The following PTPRK variants were observed in gnomAD, a reference collection of about 807,000 sequenced individuals.
PTPRK encodes the protein protein tyrosine phosphatase receptor type K.
In PTPRK, 75 loss-of-function variants were observed where a neutral mutation model predicts 178.0. The ratio of observed to expected loss-of-function variants is 0.42; its 90% CI spans 0.35 to 0.51. PTPRK has a LOEUF of 0.51. Ranked by LOEUF, PTPRK falls within the 20% of genes least tolerant of loss-of-function variation. PTPRK has a pLI of 0.02. For synonymous variants in PTPRK, 637 were observed against 620.6 expected, an observed-to-expected ratio of 1.03 and a Z score of -0.39; for missense variants, 1,441 against 1,797.8, an observed-to-expected ratio of 0.80 and a Z score of 3.59.
At chr6:128,412,500 T>G (rs866520834) in intron 1 of PTPRK, among the ~76,000 whole-genome samples, 1 of 152,176 alleles carries the variant, frequency 6.6e-6, no homozygotes, top group Non-Finnish European at 1.5e-5. Flanking sequence ...TTTTCAAATA[T>G]GTACTGCAAG....
At chr6:128,174,712 T>C (rs1800810578) in intron 7 of PTPRK, among the ~76,000 whole-genome samples, 1 of 151,858 alleles carries the variant, frequency 6.6e-6, no homozygotes, top group Admixed American at 6.6e-5. Context: ...AGTGAAACAT[T>C]ACATTAAATT....
intron 5 of PTPRK, chr6:128,238,114 C>T: frequency 2.3e-6 from 1 of 441,346 alleles, no homozygotes; most frequent in Non-Finnish European, 4.5e-6. Context: ...ATGCACACTA[C>T]TGAAGAATGA....
At chr6:128,318,749 G>A (rs564694114) in intron 3 of PTPRK, among the ~76,000 whole-genome samples, 2 of 152,260 alleles carry the variant, frequency 1.3e-5, no homozygotes, top group Admixed American at 1.3e-4. Context: ...ATACAAGACA[G>A]GTCAGATTTC....
intron 1 of PTPRK, among the ~76,000 whole-genome samples, chr6:128,419,849 C>T (rs1001535045): frequency 6.6e-6 from 1 of 152,166 alleles, no homozygotes; most frequent in Non-Finnish European, 1.5e-5. Context: ...AGTATCTGTT[C>T]CTCTAAAGTC....
intron 2 of PTPRK, among the ~76,000 whole-genome samples, chr6:128,325,624 C>T (rs1045636018): frequency 2.0e-5 from 3 of 152,106 alleles, no homozygotes; most frequent in African/African-American, 7.2e-5. Context: ...AATGAGATAC[C>T]ATCTCACGCC....
At chr6:128,002,806 T>C (rs1777991330) in intron 15 of PTPRK, among the ~76,000 whole-genome samples, 1 of 151,898 alleles carries the variant, frequency 6.6e-6, no homozygotes, top group South Asian at 2.1e-4. Flanking sequence ...TGGTTATAAA[T>C]TGGGAGGATT....
chr6:128,398,519 GGAAGAATAAGAGT>G (rs1840634716), intron 1 of PTPRK, among the ~76,000 whole-genome samples: 1 of 152,140 alleles, frequency 6.6e-6, no homozygotes, highest in Admixed American at 6.5e-5. Flanking sequence ...GAGAAGTAGA[GGAAGAATAAGAGT>G]GAAAGTTGTC....
At chr6:128,016,965 G>C (rs568884951) in intron 13 of PTPRK, among the ~76,000 whole-genome samples, 183 of 152,126 alleles carry the variant, frequency 1.2e-3, no homozygotes, top group African/African-American at 4.2e-3. Context: ...GACAGTAAAT[G>C]ATTTCAACTA....
chr6:128,084,815 T>TA (rs1434695024), intron 8 of PTPRK: 1 of 152,336 alleles, frequency 6.6e-6, no homozygotes, highest in Non-Finnish European at 1.5e-5. Context: ...CCTACTTGGC[T>TA]AAAAAATGTG....
chr6:128,382,571 C>T (rs1838098806), intron 2 of PTPRK, among the ~76,000 whole-genome samples: 1 of 151,818 alleles, frequency 6.6e-6, no homozygotes, highest in South Asian at 2.1e-4. Flanking sequence ...CCATGCCTGG[C>T]TAATTTTTTG....
rs1242513973 is a variant in PTPRK at position 127,991,402 on chromosome 6, A to AT, written c.2882-12dup. 1 of 1,546,018 alleles carries AT rather than the reference A, an allele frequency of 6.5e-7. No individual in the cohort carries two copies. The highest frequency in any genetic ancestry group is 1.9e-5 in the Admixed American group (1 of 52,104). On this transcript the variant is annotated splice_polypyrimidine_tract_variant and intron_variant, in intron 19 of 29. Coordinates refer to ENST00000368226, the MANE Select transcript of PTPRK (RefSeq NM_002844.4). ...TTTCATGAACGGGACCTACAAAGAA[A>AT]TTAATTTGAATATTATGTTATCAAA...
At chr6:128,080,904 A>T (rs1176171585) in intron 10 of PTPRK, among the ~76,000 whole-genome samples, 1 of 152,052 alleles carries the variant, frequency 6.6e-6, no homozygotes, top group Non-Finnish European at 1.5e-5. Flanking sequence ...TTAGGTTAAT[A>T]CAAGTAAAAG....
At chr6:128,098,261 T>C (rs1420635434) in intron 7 of PTPRK, among the ~76,000 whole-genome samples, 1 of 152,292 alleles carries the variant, frequency 6.6e-6, no homozygotes, top group East Asian at 1.9e-4. Context: ...GTTGTCACAC[T>C]GTTTGCCATG....
intron 7 of PTPRK, among the ~76,000 whole-genome samples, chr6:128,133,262 G>A (rs1794528671): frequency 6.6e-6 from 1 of 151,914 alleles, no homozygotes; most frequent in Non-Finnish European, 1.5e-5. Flanking sequence ...TCCTGACAAC[G>A]GATATCTACG....
At chr6:128,104,341 C>T (rs371491101) in intron 7 of PTPRK, among the ~76,000 whole-genome samples, 1 of 152,174 alleles carries the variant, frequency 6.6e-6, no homozygotes, top group African/African-American at 2.4e-5. Context: ...ATTCTCCTGC[C>T]TCAGCCTCCC....
intron 7 of PTPRK, among the ~76,000 whole-genome samples, chr6:128,110,388 C>G (rs1264321348): frequency 6.6e-6 from 1 of 152,126 alleles, no homozygotes; most frequent in Non-Finnish European, 1.5e-5. Flanking sequence ...AGTTATCAAT[C>G]CCTGTCTTTT....
At chr6:128,473,521 A>G (rs959110195) in intron 1 of PTPRK, among the ~76,000 whole-genome samples, 2 of 147,660 alleles carry the variant, frequency 1.4e-5, no homozygotes, top group Non-Finnish European at 3.0e-5. Flanking sequence ...CCAATTTAGT[A>G]TCCAATGATT....
chr6:128,280,564 G>A (rs1163562633), intron 3 of PTPRK, among the ~76,000 whole-genome samples: 1 of 151,912 alleles, frequency 6.6e-6, no homozygotes, highest in East Asian at 1.9e-4. Context: ...AGGCACCTTT[G>A]GGAAATTAAG....
intron 13 of PTPRK, among the ~76,000 whole-genome samples, chr6:128,021,899 T>C (rs1022533235): frequency 3.3e-5 from 5 of 152,224 alleles, no homozygotes; most frequent in African/African-American, 9.6e-5. Flanking sequence ...AATATTCTTT[T>C]ATATATATTC....
Sources: gnomAD v4.1 joint callset for allele counts (sites outside exome capture counted in the v4.1 genomes callset) on GRCh38, gnomAD v4.1.1 for gene constraint, MANE v1.5 for transcripts, NCBI Gene and HGNC (gene_info 2026-07-23, HGNC 2026-07-21) for gene names.